HCN1: variants seen among roughly 807,000 people sequenced by gnomAD.
HCN1 encodes the protein potassium/sodium hyperpolarization-activated cyclic nucleotide-gated channel 1.
A neutral mutation model predicts 78.9 loss-of-function variants in HCN1; 13 were observed. The observed-to-expected ratio is 0.16, with a 90% confidence interval of 0.11 to 0.26. The LOEUF is 0.26. Among genes scored for constraint, HCN1 ranks in the 10% least tolerant of loss-of-function variants. The probability of loss-of-function intolerance (pLI) is 1.00; values close to 1 mark genes in which losing one functional copy is unlikely to be tolerated. For synonymous variants in HCN1, 552 were observed against 455.5 expected, an observed-to-expected ratio of 1.21 and a Z score of -2.70; for missense variants, 810 against 1,154.3, an observed-to-expected ratio of 0.70 and a Z score of 4.32.
At chr5:45,381,881 T>C (rs755609887) in intron 4 of HCN1, among the ~76,000 whole-genome samples, 1 of 152,168 alleles carries the variant, frequency 6.6e-6, no homozygotes. Context: ...TCCCTGCTTA[T>C]ACCTTTCCAA....
At chr5:45,325,334 G>A (rs147293596) in intron 5 of HCN1, among the ~76,000 whole-genome samples, 2 of 151,676 alleles carry the variant, frequency 1.3e-5, no homozygotes, top group African/African-American at 4.8e-5. Context: ...AGTCAGGTGT[G>A]GAAACCAAGT....
intron 2 of HCN1, among the ~76,000 whole-genome samples, chr5:45,503,696 C>T (rs566236755): frequency 1.4e-4 from 21 of 151,886 alleles, no homozygotes; most frequent in Non-Finnish European, 2.1e-4. Context: ...CCATATGGGG[C>T]GGTGAGTTTT....
chr5:45,264,360 G>A (rs906050255), intron 7 of HCN1, among the ~76,000 whole-genome samples: 1 of 152,168 alleles, frequency 6.6e-6, no homozygotes, highest in Non-Finnish European at 1.5e-5. Flanking sequence ...GGTGAAAGAA[G>A]GGGAAAGTAG....
At chr5:45,610,318 A>G (rs1446955913) in intron 2 of HCN1, among the ~76,000 whole-genome samples, 2 of 152,054 alleles carry the variant, frequency 1.3e-5, no homozygotes, top group African/African-American at 4.8e-5. Context: ...ATATAAAGTC[A>G]TATGTCTGCA....
At chr5:45,568,849 T>A (rs1743769775) in intron 2 of HCN1, among the ~76,000 whole-genome samples, 1 of 152,118 alleles carries the variant, frequency 6.6e-6, no homozygotes, top group Admixed American at 6.6e-5. Flanking sequence ...AAACTAAGTA[T>A]TTTAAACTGA....
intron 3 of HCN1, among the ~76,000 whole-genome samples, chr5:45,435,111 GTA>G (rs1740537443): frequency 6.6e-6 from 1 of 151,740 alleles, no homozygotes; most frequent in Non-Finnish European, 1.5e-5. Context: ...CTAATTTAAG[GTA>G]TATTTTACAG....
chr5:45,498,849 G>T (rs185209554), intron 2 of HCN1, among the ~76,000 whole-genome samples: 1 of 152,118 alleles, frequency 6.6e-6, no homozygotes, highest in African/African-American at 2.4e-5. Context: ...GCCGTGTGAG[G>T]TGTCAGTCTG....
chr5:45,414,812 T>G (rs1740089009), intron 3 of HCN1, among the ~76,000 whole-genome samples: 1 of 152,042 alleles, frequency 6.6e-6, no homozygotes, highest in Admixed American at 6.6e-5. Flanking sequence ...TCTTATGGTA[T>G]CACTTGATTT....
chr5:45,629,480 A>T (rs140816777), intron 2 of HCN1, among the ~76,000 whole-genome samples: 136 of 152,306 alleles, frequency 8.9e-4, no homozygotes, highest in African/African-American at 3.1e-3. Context: ...AGTAAGGTGT[A>T]AAACTCAAAG....
At chr5:45,304,828 A>T (rs1248728486) in intron 5 of HCN1, among the ~76,000 whole-genome samples, 1 of 152,104 alleles carries the variant, frequency 6.6e-6, no homozygotes, top group Admixed American at 6.6e-5. Context: ...TTATTCCAGG[A>T]TCAGGCCAAT....
chr5:45,322,297 G>A (rs1348521685), intron 5 of HCN1, among the ~76,000 whole-genome samples: 1 of 151,874 alleles, frequency 6.6e-6, no homozygotes, highest in Non-Finnish European at 1.5e-5. Flanking sequence ...TGTGTGTTAT[G>A]TGAAACAGAT....
chr5:45,598,687 C>A (rs887758165), intron 2 of HCN1, among the ~76,000 whole-genome samples: 30 of 152,130 alleles, frequency 2.0e-4, no homozygotes, highest in Non-Finnish European at 1.2e-4. Context: ...GTGCTAATAT[C>A]CAGAATCTAC....
chr5:45,299,958 C>G (rs1464958722), intron 6 of HCN1, among the ~76,000 whole-genome samples: 2 of 151,866 alleles, frequency 1.3e-5, no homozygotes, highest in African/African-American at 4.8e-5. Flanking sequence ...TAGTTTTTAT[C>G]TCAGAAATGA....
intron 3 of HCN1, among the ~76,000 whole-genome samples, chr5:45,414,457 T>C (rs1340493901): frequency 6.6e-6 from 1 of 152,022 alleles, no homozygotes; most frequent in African/African-American, 2.4e-5. Context: ...CCCAAATCTG[T>C]GTGTCCAAAC....
chr5:45,384,168 C>A (rs909260777), intron 4 of HCN1, among the ~76,000 whole-genome samples: 6 of 152,090 alleles, frequency 3.9e-5, no homozygotes, highest in Admixed American at 1.3e-4. Flanking sequence ...ACTCATGTTT[C>A]CTTTACATCC....
intron 4 of HCN1, among the ~76,000 whole-genome samples, chr5:45,357,940 C>T: frequency 6.6e-6 from 1 of 151,880 alleles, no homozygotes; most frequent in East Asian, 1.9e-4. Flanking sequence ...GATTCTGGCA[C>T]CTCTCCCCTC....
At chr5:45,640,259 C>T (rs912614593) in intron 2 of HCN1, among the ~76,000 whole-genome samples, 1 of 152,108 alleles carries the variant, frequency 6.6e-6, no homozygotes, top group South Asian at 2.1e-4. Flanking sequence ...CGGATACTCT[C>T]TTATTATTAT....
intron 2 of HCN1, among the ~76,000 whole-genome samples, chr5:45,501,112 AAAT>A (rs1198094497): frequency 1.3e-5 from 2 of 152,202 alleles, no homozygotes; most frequent in Non-Finnish European, 2.9e-5. Context: ...GTGGCAGCTC[AAAT>A]AATAACTGAC....
intron 1 of HCN1, among the ~76,000 whole-genome samples, chr5:45,690,346 A>G (rs983649510): frequency 1.3e-5 from 2 of 152,116 alleles, no homozygotes; most frequent in South Asian, 2.1e-4. Context: ...ACTAACTAAC[A>G]TAACTTGAAA....
Sources: gnomAD v4.1 joint callset for allele counts (sites outside exome capture counted in the v4.1 genomes callset) on GRCh38, gnomAD v4.1.1 for gene constraint, MANE v1.5 for transcripts, NCBI Gene and HGNC (gene_info 2026-07-23, HGNC 2026-07-21) for gene names.